ODAD4: variants seen among roughly 807,000 people sequenced by gnomAD.
ODAD4 encodes the protein outer dynein arm docking complex subunit 4.
A neutral mutation model predicts 51.8 loss-of-function variants in ODAD4; 49 were observed. The observed-to-expected ratio is 0.95, with a 90% CI of 0.75 to 1.20. The LOEUF is 1.20. ODAD4 is among the 50% of genes most tolerant of loss of function. The pLI is 0.00. For synonymous variants in ODAD4, 235 were observed against 221.3 expected (o/e 1.06, Z -0.55); for missense variants, 590 against 586.5 (o/e 1.01, Z -0.06).
intron 1 of ODAD4, among the ~76,000 whole-genome samples, chr17:41,932,047 T>C (rs1369063373): frequency 3.9e-5 from 6 of 151,934 alleles, no homozygotes; most frequent in Non-Finnish European, 7.4e-5. Flanking sequence ...TGCCTCAGCC[T>C]CAGGCACACT....
intron 7 of ODAD4, among the ~76,000 whole-genome samples, chr17:41,940,172 C>T (rs138091383): frequency 6.6e-6 from 1 of 152,272 alleles, no homozygotes; most frequent in African/African-American, 2.4e-5. Flanking sequence ...GATCTCCCAT[C>T]ATCCCATTTG....
At position 41,965,302 on chromosome 17, in the gene ODAD4, G is replaced by A; in HGVS notation, c.1838G>A (p.Arg613Lys). The stretch of plus-strand genomic sequence containing the variant: ...AGAAGAGAGTCAAGAGAAATTTATA[G>A]GAGGCCTTCGGGAGAATTAGAGCAA... ...AGRRESREIY[R>K]RPSGELEQRL... The change falls in exon 12 of 12, where the codon AGG becomes AAG. Residue 613 changes from arginine to lysine, a missense_variant. Coordinates refer to ENST00000377540, the MANE Select transcript of ODAD4 (RefSeq NM_031421.5). 1.3e-6 allele frequency: 1 copy of A among 780,400 alleles called. No homozygotes were observed. Among genetic ancestry groups the A allele is most frequent in the East Asian group, 2.4e-5 (1 of 41,256 alleles). The allele number at this position is 780,400 out of a possible 1,614,324, so 48.3% of individuals were successfully genotyped here.
intron 1 of ODAD4, among the ~76,000 whole-genome samples, chr17:41,932,813 C>CA (rs2050369228): frequency 1.3e-5 from 2 of 149,198 alleles, no homozygotes; most frequent in Admixed American, 6.8e-5. Flanking sequence ...AATACTCCCG[C>CA]TTTGGCCTCA....
intron 11 of ODAD4, 77 bp from the exon 12 acceptor site, chr17:41,964,916 T>A (rs1170574516): frequency 1.6e-6 from 1 of 627,328 alleles, no homozygotes; most frequent in East Asian, 2.7e-5. Flanking sequence ...GTGCTGAGAT[T>A]ACAGGCGTGA....
At chr17:41,944,442 A>AC (rs2050556730) in intron 7 of ODAD4, among the ~76,000 whole-genome samples, 22 of 5,520 alleles carry the variant, frequency 4.0e-3, no homozygotes, top group South Asian at 0.018. Context: ...ACACACACAC[A>AC]CACCCCCCCG....
chr17:41,945,387 C>T (rs1430550772), intron 8 of ODAD4, 165 bp downstream of exon 8: 2 of 610,162 alleles, frequency 3.3e-6, no homozygotes, highest in African/African-American at 3.7e-5. Flanking sequence ...TGTCCTGTGC[C>T]TGTGGTCCCA....
intron 5 of ODAD4, among the ~76,000 whole-genome samples, chr17:41,938,221 G>T (rs2077082712): frequency 6.6e-6 from 1 of 152,222 alleles, no homozygotes; most frequent in Admixed American, 6.5e-5. Flanking sequence ...GCCAGATCGT[G>T]CATTTAGACT....
At chr17:41,932,383 T>G (rs1411499995) in intron 1 of ODAD4, among the ~76,000 whole-genome samples, 1 of 152,112 alleles carries the variant, frequency 6.6e-6, no homozygotes, top group Non-Finnish European at 1.5e-5. Context: ...TACTCAATTT[T>G]ATAGATTAGG....
intron 8 of ODAD4, among the ~76,000 whole-genome samples, chr17:41,947,314 A>G (rs1471150096): frequency 1.3e-5 from 2 of 150,242 alleles, no homozygotes; most frequent in Non-Finnish European, 3.0e-5. Context: ...TCTACTAAAA[A>G]AAAAGAAAAA....
intron 7 of ODAD4, 46 bp from the exon 8 acceptor site, chr17:41,945,090 A>G: frequency 6.7e-7 from 1 of 1,501,768 alleles, no homozygotes; most frequent in African/African-American, 1.4e-5. Flanking sequence ...CAGTGCCTAG[A>G]ACAGCTGATT....
At chr17:41,937,111 C>A (rs976863596) in intron 5 of ODAD4, 184 bp downstream of exon 5, 4 of 669,218 alleles carry the variant, frequency 6.0e-6, no homozygotes, top group Admixed American at 2.9e-5. Flanking sequence ...AAACTAAGGT[C>A]ATATATAGGT....
In ODAD4 at chr17:41,935,661, C is replaced by T; in HGVS notation, c.309C>T (p.Phe103=). The part of the protein sequence containing the change: ...TMGDFEFALV[F]YHRGYKLRPD... ...GAGACTTTGAGTTTGCCTTGGTATT[C>T]TATCATCGAGGCTACAAGCTGAGGC... is the stretch of plus-strand genomic sequence containing the variant. The change falls in exon 3 of 12, where the codon TTC becomes TTT. Residue 103 remains phenylalanine (F), a synonymous_variant. Transcript: ENST00000377540. 1 of 1,613,600 alleles carries T rather than the reference C, an allele frequency of 6.2e-7. No individual in the cohort carries two copies. Among genetic ancestry groups the T allele is most frequent in the Non-Finnish European group, 8.5e-7 (1 of 1,179,746 alleles).
chr17:41,938,217 TCGTG>T (rs1372020972), intron 5 of ODAD4, among the ~76,000 whole-genome samples: 5 of 152,168 alleles, frequency 3.3e-5, no homozygotes, highest in Non-Finnish European at 7.4e-5. Flanking sequence ...CTGGGCCAGA[TCGTG>T]CATTTAGACT....
rs529280771 is a variant in ODAD4 at position 41,966,392 on chromosome 17, T to C, written c.*909T>C. 2.4e-4 allele frequency among the ~76,000 whole-genome samples: 37 copies of C among 152,196 alleles called. No individual in the cohort carries two copies. Among genetic ancestry groups the C allele is most frequent in the African/African-American group, 8.2e-4 (34 of 41,526 alleles). On this transcript the variant is annotated 3_prime_UTR_variant, in exon 12 of 12. Transcript: ENST00000377540. Reference sequence around the variant, plus strand: ...CAGAGTTTACCGGAATGCCAGCAAATTGCATGATAATATTTTAATCCAATG... The same window carrying C: ...CAGAGTTTACCGGAATGCCAGCAAACTGCATGATAATATTTTAATCCAATG...
rs560318549 is a variant in ODAD4 at position 41,956,093 on chromosome 17, G to C, written c.1443+776G>C. Among the ~76,000 whole-genome samples, 254 of 148,544 alleles carry C rather than the reference G, an allele frequency of 1.7e-3. 2 individuals are homozygous for C. Among genetic ancestry groups the C allele is most frequent in the African/African-American group, 5.9e-3 (237 of 40,144 alleles). The stretch of plus-strand genomic sequence containing the variant: ...AGACTGAGTCTCACTTGTCACCCAG[G>C]CTGGAGTGCAATGGTGTGATCTTGG... On this transcript the variant is annotated intron_variant, in intron 10 of 11. Transcript: ENST00000377540.
chr17:41,965,418 A>G lies in ODAD4; in HGVS notation c.1954A>G (p.Thr652Ala). ...GRREPEELGK[T>A]QFGEIGETKK... ...AAGAGAGCCAGAAGAACTGGGAAAA[A>G]CACAATTTGGAGAAATAGGAGAAAC... is the stretch of plus-strand genomic sequence containing the variant. Residue 652 changes from threonine to alanine, a missense_variant, in exon 12 of 12, where the codon ACA becomes GCA. Transcript: ENST00000377540. 1.3e-6 allele frequency: 1 copy of G among 778,472 alleles called. No homozygotes were observed. Among genetic ancestry groups the G allele is most frequent in the Non-Finnish European group, 2.4e-6 (1 of 417,518 alleles). 48.2% of individuals were successfully genotyped at this position (778,472 alleles called of 1,614,324 possible). A position where few individuals can be genotyped will look rare whatever the true frequency, so the allele number is the denominator to read the frequency against.
At chr17:41,962,515 G>A (rs187458904) in intron 11 of ODAD4, among the ~76,000 whole-genome samples, 7 of 152,268 alleles carry the variant, frequency 4.6e-5, no homozygotes, top group Admixed American at 3.9e-4. Context: ...CGCAGTAGCC[G>A]ACCCCCATTC....
intron 3 of ODAD4, 105 bp downstream of exon 3, chr17:41,935,854 C>T: frequency 7.4e-7 from 1 of 1,355,372 alleles, no homozygotes; most frequent in Admixed American, 2.1e-5. Context: ...ACCAGGCCCG[C>T]AGGGAGTCCT....
intron 9 of ODAD4, among the ~76,000 whole-genome samples, chr17:41,952,346 C>T (rs1421636222): frequency 2.0e-4 from 27 of 132,538 alleles, no homozygotes; most frequent in Admixed American, 1.6e-3. Context: ...CCAGTCCAGG[C>T]GACTATGAGA....
Sources: allele counts gnomAD v4.1 joint callset (sites outside exome capture counted in the v4.1 genomes callset), GRCh38; gene constraint gnomAD v4.1.1; transcripts MANE v1.5; gene names NCBI Gene and HGNC (gene_info 2026-07-23, HGNC 2026-07-21).